SGCZ: variants seen among roughly 807,000 people sequenced by gnomAD.
SGCZ encodes zeta-sarcoglycan.
A neutral mutation model predicts 41.3 loss-of-function variants in SGCZ; 40 were observed. That is an observed-to-expected ratio of 0.97 (90% CI 0.75 to 1.26). The LOEUF is 1.26. SGCZ is among the 50% of genes most tolerant of loss of function. SGCZ has a pLI of 0.00. For synonymous variants in SGCZ, 206 were observed against 137.5 expected (o/e 1.50, Z -3.49); for missense variants, 552 against 369.8 (o/e 1.49, Z -4.04).
chr8:15,238,422 A>G lies in SGCZ; in HGVS notation c.-799T>C, dbSNP rs1212975767. 12 of 152,258 alleles carry G rather than the reference A, an allele frequency of 7.9e-5. No individual in the cohort carries two copies. The allele number at this position is 152,258 out of a possible 1,614,324, so 9.4% of individuals were successfully genotyped here. A position where few individuals can be genotyped will look rare whatever the true frequency, so the allele number is the denominator to read the frequency against. On this transcript the variant is annotated 5_prime_UTR_variant, in exon 1 of 8. Coordinates refer to ENST00000382080, the MANE Select transcript of SGCZ (RefSeq NM_139167.4). Reference sequence around the variant, plus strand: ...ACTGACTTCGCTTCTCTCTTCCCACAGCCAACACTAAGGGGATTTCTCTCA... The same window carrying G: ...ACTGACTTCGCTTCTCTCTTCCCACGGCCAACACTAAGGGGATTTCTCTCA...
chr8:14,919,914 T>C (rs972589133), intron 1 of SGCZ, among the ~76,000 whole-genome samples: 1 of 151,884 alleles, frequency 6.6e-6, no homozygotes, highest in Non-Finnish European at 1.5e-5. Flanking sequence ...TGAGACTCTG[T>C]TTTTTTTGTT....
intron 1 of SGCZ, among the ~76,000 whole-genome samples, chr8:15,172,508 G>C (rs558798906): frequency 6.6e-6 from 1 of 152,088 alleles, no homozygotes; most frequent in African/African-American, 2.4e-5. Context: ...GAGAGTAGGA[G>C]TCAGGAAACT....
intron 1 of SGCZ, among the ~76,000 whole-genome samples, chr8:14,638,726 G>C (rs1393297783): frequency 1.3e-5 from 2 of 151,828 alleles, no homozygotes; most frequent in Non-Finnish European, 2.9e-5. Context: ...ACCCATTGTA[G>C]AGAAGTGAGC....
chr8:14,547,194 T>A (rs1338683609), intron 2 of SGCZ, among the ~76,000 whole-genome samples: 1 of 152,196 alleles, frequency 6.6e-6, no homozygotes, highest in Non-Finnish European at 1.5e-5. Flanking sequence ...AAACTCAGCA[T>A]ATTTAGAATC....
chr8:15,233,804 A>G (rs1802037006), intron 1 of SGCZ, among the ~76,000 whole-genome samples: 1 of 152,182 alleles, frequency 6.6e-6, no homozygotes, highest in Non-Finnish European at 1.5e-5. Flanking sequence ...GCAGAAAAAA[A>G]CTAATTTAAC....
intron 1 of SGCZ, among the ~76,000 whole-genome samples, chr8:15,087,299 T>C (rs1805985506): frequency 6.6e-6 from 1 of 152,148 alleles, no homozygotes; most frequent in Admixed American, 6.5e-5. Context: ...TTCAATCTGA[T>C]GTTGGAGATG....
chr8:15,066,003 T>G (rs1805125874), intron 1 of SGCZ, among the ~76,000 whole-genome samples: 1 of 152,212 alleles, frequency 6.6e-6, no homozygotes, highest in South Asian at 2.1e-4. Context: ...GTATTCATAT[T>G]AATGGCCTTA....
chr8:14,806,635 C>T (rs529855069), intron 1 of SGCZ, among the ~76,000 whole-genome samples: 9 of 151,988 alleles, frequency 5.9e-5, no homozygotes, highest in East Asian at 1.9e-4. Flanking sequence ...GATTCACAGC[C>T]GAATTCTACC....
chr8:15,085,712 T>G (rs1042153046), intron 1 of SGCZ, among the ~76,000 whole-genome samples: 21 of 152,128 alleles, frequency 1.4e-4, no homozygotes, highest in Non-Finnish European at 2.2e-4. Flanking sequence ...CCCACCAACT[T>G]TGCTACTCTT....
At chr8:14,732,639 T>C (rs550529406) in intron 1 of SGCZ, among the ~76,000 whole-genome samples, 1 of 152,320 alleles carries the variant, frequency 6.6e-6, no homozygotes, top group South Asian at 2.1e-4. Context: ...GCTGCTGTTT[T>C]CGTGAACTGA....
intron 3 of SGCZ, among the ~76,000 whole-genome samples, chr8:14,269,709 T>G (rs187319786): frequency 1.3e-5 from 2 of 152,126 alleles, no homozygotes; most frequent in African/African-American, 2.4e-5. Flanking sequence ...GACATGATGC[T>G]GTCAACTTCA....
chr8:15,002,990 G>A (rs969475584), intron 1 of SGCZ, among the ~76,000 whole-genome samples: 4 of 151,632 alleles, frequency 2.6e-5, no homozygotes, highest in African/African-American at 7.3e-5. Flanking sequence ...TCCCCTGCAC[G>A]TGCTCTCTTG....
intron 2 of SGCZ, among the ~76,000 whole-genome samples, chr8:14,336,722 G>A (rs988771948): frequency 2.0e-5 from 3 of 152,128 alleles, no homozygotes; most frequent in African/African-American, 7.2e-5. Context: ...AAGGGATTCA[G>A]CTGCTTACTG....
chr8:14,588,134 T>G (rs1175036396), intron 1 of SGCZ, among the ~76,000 whole-genome samples: 1 of 151,992 alleles, frequency 6.6e-6, no homozygotes, highest in Non-Finnish European at 1.5e-5. Context: ...GAATTTTGTG[T>G]CTATGTTATT....
At chr8:14,557,370 C>A (rs1162221922) in intron 1 of SGCZ, among the ~76,000 whole-genome samples, 2 of 151,880 alleles carry the variant, frequency 1.3e-5, no homozygotes, top group Non-Finnish European at 2.9e-5. Context: ...TTCTCCCACC[C>A]TGTGGGTTGT....
chr8:14,901,792 A>G (rs1286892561), intron 1 of SGCZ, among the ~76,000 whole-genome samples: 1 of 152,170 alleles, frequency 6.6e-6, no homozygotes, highest in Non-Finnish European at 1.5e-5. Flanking sequence ...GAAAATATCT[A>G]TTTTTGTATG....
intron 1 of SGCZ, among the ~76,000 whole-genome samples, chr8:14,831,253 T>C (rs1034028421): frequency 3.9e-5 from 6 of 152,204 alleles, no homozygotes; most frequent in African/African-American, 1.4e-4. Context: ...GTGTTTCAGT[T>C]GTAGATATTT....
chr8:14,415,248 T>C (rs1272490371), intron 2 of SGCZ, among the ~76,000 whole-genome samples: 2 of 152,006 alleles, frequency 1.3e-5, no homozygotes, highest in Non-Finnish European at 2.9e-5. Context: ...TCATATAAGT[T>C]CCAAAATTGC....
At chr8:15,207,440 A>G (rs1255478027) in intron 1 of SGCZ, among the ~76,000 whole-genome samples, 2 of 152,220 alleles carry the variant, frequency 1.3e-5, no homozygotes, top group African/African-American at 2.4e-5. Context: ...TGAAAGAGAC[A>G]AAAGAATAAT....
Sources: gnomAD v4.1 joint callset for allele counts (sites outside exome capture counted in the v4.1 genomes callset) on GRCh38, gnomAD v4.1.1 for gene constraint, MANE v1.5 for transcripts, NCBI Gene and HGNC (gene_info 2026-07-23, HGNC 2026-07-21) for gene names.